The following PALS1 variants were observed in gnomAD, a reference collection of about 807,000 sequenced individuals.
The protein encoded by PALS1 is protein PALS1.
In PALS1, 31 loss-of-function variants were observed where a neutral mutation model predicts 78.9. The ratio of observed to expected loss-of-function variants is 0.39; its 90% CI spans 0.30 to 0.53. The LOEUF is 0.53. Ranked by LOEUF, PALS1 falls within the 20% of genes least tolerant of loss-of-function variation. PALS1 has a pLI of 0.67. For synonymous variants in PALS1, 276 were observed against 270.9 expected (o/e 1.02, Z -0.18); for missense variants, 704 against 826.5 (o/e 0.85, Z 1.82).
intron 1 of PALS1, among the ~76,000 whole-genome samples, chr14:67,259,441 T>C (rs2084198311): frequency 6.6e-6 from 1 of 151,648 alleles, no homozygotes; most frequent in Admixed American, 6.6e-5. Context: ...TGAAACCCCG[T>C]CTCTACTAAA....
At chr14:67,321,823 A>G (rs1413802336) in intron 13 of PALS1, among the ~76,000 whole-genome samples, 1 of 152,156 alleles carries the variant, frequency 6.6e-6, no homozygotes, top group African/African-American at 2.4e-5. Context: ...GCTTGTATGT[A>G]TGTTCTGAAA....
intron 2 of PALS1, among the ~76,000 whole-genome samples, chr14:67,274,598 A>G (rs1457962206): frequency 1.3e-5 from 2 of 152,130 alleles, no homozygotes; most frequent in Non-Finnish European, 2.9e-5. Flanking sequence ...TTGTCTTGGC[A>G]ATGCGGGCTC....
chr14:67,266,181 G>T (rs542820082), intron 1 of PALS1, among the ~76,000 whole-genome samples: 3 of 152,098 alleles, frequency 2.0e-5, no homozygotes, highest in African/African-American at 7.2e-5. Context: ...TAAAATTAAA[G>T]AAATATATAT....
rs1281818379 is a variant in PALS1, at chr14:67,312,638, G to C, written c.1153G>C (p.Glu385Gln). 4 of 1,613,462 alleles carry C rather than the reference G, an allele frequency of 2.5e-6. No individual in the cohort carries two copies. In the South Asian group the frequency reaches 4.4e-5, roughly 18 times the overall value. ...KGDILHVISQEDPNWWQAYRE... is the reference protein window; with the variant it reads ...KGDILHVISQQDPNWWQAYRE... ...TGATATACTTCATGTGATCAGTCAA[G>C]AAGATCCAAACTGGTGGCAGGCCTA... The change falls in exon 9 of 15, where the codon GAA becomes CAA. Residue 385 changes from glutamate to glutamine, a missense_variant. Transcript: ENST00000261681.
At chr14:67,276,461 T>G (rs935228455) in intron 2 of PALS1, among the ~76,000 whole-genome samples, 2 of 152,204 alleles carry the variant, frequency 1.3e-5, no homozygotes, top group African/African-American at 4.8e-5. Context: ...TTTTGAGTGT[T>G]TCCTATCACC....
At chr14:67,248,044 A>G (rs1286310983) in intron 1 of PALS1, among the ~76,000 whole-genome samples, 1 of 152,154 alleles carries the variant, frequency 6.6e-6, no homozygotes, top group Non-Finnish European at 1.5e-5. Flanking sequence ...GTTGAATTTT[A>G]TCATATGCCT....
chr14:67,285,747 T>C (rs2084675253), intron 3 of PALS1, among the ~76,000 whole-genome samples: 1 of 152,124 alleles, frequency 6.6e-6, no homozygotes, highest in South Asian at 2.1e-4. Context: ...CATTGGAAAG[T>C]AGGATTTTCT....
intron 2 of PALS1, among the ~76,000 whole-genome samples, chr14:67,274,961 C>T (rs1277385115): frequency 3.9e-5 from 6 of 152,118 alleles, no homozygotes; most frequent in Non-Finnish European, 7.4e-5. Context: ...GTGATTTTTG[C>T]ACATTGATTT....
intron 1 of PALS1, among the ~76,000 whole-genome samples, chr14:67,244,485 T>A (rs2083957044): frequency 6.6e-6 from 1 of 152,220 alleles, no homozygotes; most frequent in Non-Finnish European, 1.5e-5. Flanking sequence ...CTTTAAAAAA[T>A]ATTTAACTCT....
At chr14:67,262,251 T>C (rs2084250121) in intron 1 of PALS1, among the ~76,000 whole-genome samples, 2 of 152,176 alleles carry the variant, frequency 1.3e-5, no homozygotes, top group Non-Finnish European at 2.9e-5. Flanking sequence ...TTTGCCCTTC[T>C]AGCCTATCCC....
intron 14 of PALS1, among the ~76,000 whole-genome samples, chr14:67,331,273 G>A (rs1000497326): frequency 1.3e-5 from 2 of 152,134 alleles, no homozygotes. Flanking sequence ...TCAAGCTCCC[G>A]GCCCCATGTG....
intron 7 of PALS1, 48 bp downstream of exon 7, chr14:67,302,619 T>C (rs766732548): frequency 7.7e-7 from 1 of 1,300,338 alleles, no homozygotes; most frequent in South Asian, 2.4e-5. Context: ...TAGAAAGCTC[T>C]TATTAGACTT....
intron 1 of PALS1, among the ~76,000 whole-genome samples, chr14:67,245,799 T>C (rs2083977997): frequency 6.6e-6 from 1 of 151,984 alleles, no homozygotes; most frequent in South Asian, 2.1e-4. Flanking sequence ...ATTATTAATT[T>C]TTAAAATTTG....
intron 1 of PALS1, among the ~76,000 whole-genome samples, chr14:67,268,729 T>A (rs1321705790): frequency 6.6e-6 from 1 of 152,190 alleles, no homozygotes; most frequent in Non-Finnish European, 1.5e-5. Context: ...TTGCCTCGCT[T>A]CTTTACCCCA....
rs780523957 is a variant in PALS1 at position 67,312,645 on chromosome 14, C to T, written c.1160C>T (p.Pro387Leu). ...CTTCATGTGATCAGTCAAGAAGATC[C>T]AAACTGGTGGCAGGCCTACAGGGAA... ...DILHVISQED[P>L]NWWQAYREGD... is the part of the protein sequence containing the mutation. Residue 387 changes from proline (P) to leucine (L), a missense_variant, in exon 9 of 15, where the codon CCA becomes CTA. Coordinates refer to ENST00000261681, the MANE Select transcript of PALS1 (RefSeq NM_022474.4). 1.9e-6 allele frequency: 3 copies of T among 1,613,134 alleles called. No individual in the cohort carries two copies. The highest frequency in any genetic ancestry group is 2.5e-6 in the Non-Finnish European group (3 of 1,179,504).
chr14:67,264,193 A>C (rs1378423282), intron 1 of PALS1, among the ~76,000 whole-genome samples: 1 of 152,222 alleles, frequency 6.6e-6, no homozygotes, highest in Non-Finnish European at 1.5e-5. Flanking sequence ...TGTTAGGCCA[A>C]ATACTGTTTT....
At chr14:67,248,284 G>A (rs1022882105) in intron 1 of PALS1, among the ~76,000 whole-genome samples, 2 of 152,014 alleles carry the variant, frequency 1.3e-5, no homozygotes, top group Non-Finnish European at 1.5e-5. Flanking sequence ...CAATTGGGAG[G>A]CTGAGGTGGG....
chr14:67,256,857 G>A (rs2084152732), intron 1 of PALS1, among the ~76,000 whole-genome samples: 1 of 151,020 alleles, frequency 6.6e-6, no homozygotes, highest in Non-Finnish European at 1.5e-5. Flanking sequence ...TTGTTTGAAT[G>A]TATACATTAA....
chr14:67,328,536 T>A (rs1283677710), intron 14 of PALS1, among the ~76,000 whole-genome samples: 3 of 152,198 alleles, frequency 2.0e-5, no homozygotes, highest in Non-Finnish European at 4.4e-5. Flanking sequence ...GGTGTTTTAG[T>A]CATGAAGTCC....
Sources: gnomAD v4.1 joint callset for allele counts (sites outside exome capture counted in the v4.1 genomes callset) on GRCh38, gnomAD v4.1.1 for gene constraint, MANE v1.5 for transcripts, NCBI Gene and HGNC (gene_info 2026-07-23, HGNC 2026-07-21) for gene names.